CENPT: variants seen among roughly 807,000 people sequenced by gnomAD.
CENPT encodes the protein centromere protein T, also known as interphase centromere complex protein 22.
CENPT carries 42 observed loss-of-function variants against 59.7 expected under a neutral mutation model. That is an observed-to-expected ratio of 0.70 (90% CI 0.55 to 0.91). CENPT has a LOEUF of 0.91. Ranked by LOEUF, CENPT falls within the 40% of genes least tolerant of loss-of-function variation. The pLI, the probability that CENPT is intolerant of heterozygous loss-of-function variation, is 0.00. For missense variants in CENPT, 716 were observed against 713.4 expected (o/e 1.00, Z -0.04); for synonymous variants, 295 against 289.6 (o/e 1.02, Z -0.19).
At chr16:67,838,613 C>T (rs1302078389) in intron 1 of CENPT, among the ~76,000 whole-genome samples, 2 of 144,224 alleles carry the variant, frequency 1.4e-5, no homozygotes, top group East Asian at 2.1e-4. Flanking sequence ...CAGAGCGAGA[C>T]TCCGTCTCAA....
In CENPT at chr16:67,832,406, C is replaced by G. The variant is rs761965999; in HGVS notation, c.201+49G>C. On this transcript the variant is annotated intron_variant, in intron 5 of 15. Transcript: ENST00000562787. ...AGAGCAGAGCTAGACCTCAACCCCC[C>G]TCCCCGAGGCAGCCAGGGCCCTTTG... The G allele has an allele frequency of 1.1e-5, 17 of 1,609,342 alleles. 1 individual carries two copies. In the South Asian group the frequency reaches 1.9e-4, roughly 18 times the overall value.
chr16:67,846,335 G>A (rs1431232183), intron 1 of CENPT, among the ~76,000 whole-genome samples: 1 of 152,254 alleles, frequency 6.6e-6, no homozygotes, highest in African/African-American at 2.4e-5. Context: ...CCCCACCTGA[G>A]GGACATTTGA....
chr16:67,846,571 G>A (rs761110733), intron 1 of CENPT, among the ~76,000 whole-genome samples: 2 of 152,242 alleles, frequency 1.3e-5, no homozygotes, highest in African/African-American at 4.8e-5. Context: ...GGGCCAGCTT[G>A]GGGCCGGGCT....
Position 67,842,526 on chromosome 16 carries a change from TGGGCC to T in CENPT, c.-492+4870_-492+4874del. On this transcript the variant is annotated intron_variant, in intron 1 of 15. Transcript: ENST00000562787. The surrounding 1 kb of genome is among the most constrained non-coding windows in gnomAD (Gnocchi z 4.9). ...GCCGTCGAAGAGCGCAGGAGGCCGG[TGGGCC>T]GGGCCGGGCCGCGCGGCGCAGCCAT... is the stretch of plus-strand genomic sequence containing the variant. 1 of 1,472,424 alleles carries T rather than the reference TGGGCC, an allele frequency of 6.8e-7. No homozygotes were observed. 91.2% of individuals were successfully genotyped at this position (1,472,424 alleles called of 1,614,324 possible).
rs772658849 is a variant in CENPT at position 67,828,217 on chromosome 16, G to A, written c.*50C>T. ...GGGGAGGAGACCTGGAGAAATATGT[G>A]GGGGCAAGAGTCCCCAGGTGGGGAC... On this transcript the variant is annotated 3_prime_UTR_variant, in exon 16 of 16. Transcript: ENST00000562787. 5.9e-6 allele frequency: 9 copies of A among 1,533,834 alleles called. No homozygotes were observed. The Admixed American group carries it at 1.3e-4, about 21-fold the overall frequency.
At position 67,829,915 on chromosome 16, in the gene CENPT, C is replaced by T; in HGVS notation, c.1036G>A (p.Glu346Lys). 3 of 1,614,232 alleles carry T rather than the reference C, an allele frequency of 1.9e-6. No homozygotes were observed. Among genetic ancestry groups the T allele is most frequent in the East Asian group, 2.2e-5 (1 of 44,892 alleles). Residue 346 changes from glutamate to lysine, a missense_variant, in exon 12 of 16, where the codon GAA becomes AAA. Coordinates refer to ENST00000562787, the MANE Select transcript of CENPT (RefSeq NM_025082.4). ...CCTTGTGCTCCTGTTGCCTCCATTT[C>T]ACTCACACTCACACCTTCTTCTTCC... ...KMEEEGVSVSEMEATGAQGPS... is the reference protein window; with the variant it reads ...KMEEEGVSVSKMEATGAQGPS...
chr16:67,832,651 G>A (rs2057704785), intron 4 of CENPT, 106 bp from the exon 5 acceptor site: 2 of 984,364 alleles, frequency 2.0e-6, no homozygotes, highest in Non-Finnish European at 3.0e-6. Context: ...TTTCCCTCAG[G>A]GCTAGGGACC....
intron 1 of CENPT, among the ~76,000 whole-genome samples, chr16:67,838,065 G>C (rs1217499785): frequency 6.6e-6 from 1 of 152,230 alleles, no homozygotes; most frequent in Non-Finnish European, 1.5e-5. Context: ...TTAAGACAGA[G>C]AGTGAGCTGG....
chr16:67,843,587 C>T lies in CENPT; in HGVS notation c.-492+3814G>A. ...TGTTGAACTCCTCTATACTCCTGGG[C>T]ACTGGTTGACAGTACTGAGGCTTAA... On this transcript the variant is annotated intron_variant, in intron 1 of 15. Coordinates refer to ENST00000562787, the MANE Select transcript of CENPT (RefSeq NM_025082.4). This position sits in a 1 kb window ranked among gnomAD's most constrained non-coding sequence, Gnocchi z 5.7. The T allele has an allele frequency of 7.5e-7, 1 of 1,341,690 alleles. No individual in the cohort carries two copies. Among genetic ancestry groups the T allele is most frequent in the Non-Finnish European group, 1.0e-6 (1 of 983,336 alleles). 83.1% of individuals were successfully genotyped at this position (1,341,690 alleles called of 1,614,324 possible).
rs1386373559 is a variant in CENPT at position 67,842,271 on chromosome 16, A to T, written c.-492+5130T>A. The T allele has an allele frequency of 6.4e-6, 1 of 157,118 alleles. No individual in the cohort carries two copies. Among genetic ancestry groups the T allele is most frequent in the Non-Finnish European group, 1.4e-5 (1 of 71,456 alleles). The allele number at this position is 157,118 out of a possible 1,614,324, so 9.7% of individuals were successfully genotyped here. On this transcript the variant is annotated intron_variant, in intron 1 of 15. Coordinates refer to ENST00000562787, the MANE Select transcript of CENPT (RefSeq NM_025082.4). This position sits in a 1 kb window ranked among gnomAD's most constrained non-coding sequence, Gnocchi z 4.9. ...AAGTGAGCCGCTTCTGGCGCGGGGCATTGTGGGGGGCGTAGTCTCTTTCTC... is the reference window on the plus strand; with the variant it reads ...AAGTGAGCCGCTTCTGGCGCGGGGCTTTGTGGGGGGCGTAGTCTCTTTCTC...
intron 14 of CENPT, 34 bp downstream of exon 14, chr16:67,828,633 G>T: frequency 6.2e-7 from 1 of 1,613,764 alleles, no homozygotes; most frequent in Non-Finnish European, 8.5e-7. Context: ...GACCCGAGGG[G>T]TTCCTCTCCC....
intron 1 of CENPT, among the ~76,000 whole-genome samples, chr16:67,846,032 C>A (rs777816677): frequency 2.0e-5 from 3 of 152,178 alleles, no homozygotes; most frequent in Admixed American, 6.6e-5. Context: ...CCCAAGTTGG[C>A]TGCAGATCTC....
At chr16:67,846,285 C>T (rs894462276) in intron 1 of CENPT, among the ~76,000 whole-genome samples, 1 of 152,264 alleles carries the variant, frequency 6.6e-6, no homozygotes, top group Non-Finnish European at 1.5e-5. Context: ...TTGGGGGGAC[C>T]CCTGACTGTA....
At chr16:67,836,022 C>T (rs900749916) in intron 1 of CENPT, among the ~76,000 whole-genome samples, 9 of 151,506 alleles carry the variant, frequency 5.9e-5, no homozygotes, top group Admixed American at 2.6e-4. Context: ...GGATTACAGG[C>T]GTGAGCCATG....
At chr16:67,840,680 G>A (rs1333105656) in intron 1 of CENPT, among the ~76,000 whole-genome samples, 1 of 151,954 alleles carries the variant, frequency 6.6e-6, no homozygotes, top group East Asian at 1.9e-4. Context: ...ACAACAAATC[G>A]CGGTGACACG....
intron 1 of CENPT, among the ~76,000 whole-genome samples, 184 bp from the exon 2 acceptor site, chr16:67,835,842 T>C (rs879571621): frequency 2.6e-5 from 4 of 152,102 alleles, no homozygotes; most frequent in Non-Finnish European, 5.9e-5. Context: ...TTTTTTTGTT[T>C]TTGTTTTTTT....
chr16:67,842,145 C>G lies in CENPT; in HGVS notation c.-492+5256G>C, dbSNP rs1237282689. On this transcript the variant is annotated intron_variant, in intron 1 of 15. Coordinates refer to ENST00000562787, the MANE Select transcript of CENPT (RefSeq NM_025082.4). This position sits in a 1 kb window ranked among gnomAD's most constrained non-coding sequence, Gnocchi z 4.9. The stretch of plus-strand genomic sequence containing the variant: ...CAGCGTTCCAACCTAATACGCCTCT[C>G]TCGCCCGCCGGGGACAAGACGGGCT... The G allele has an allele frequency of 6.6e-6, 1 of 152,480 alleles. No homozygotes were observed. The highest frequency in any genetic ancestry group is 2.4e-5 in the African/African-American group (1 of 41,486). The allele number at this position is 152,480 out of a possible 1,614,324, so 9.4% of individuals were successfully genotyped here. A position where few individuals can be genotyped will look rare whatever the true frequency, so the allele number is the denominator to read the frequency against.
intron 1 of CENPT, among the ~76,000 whole-genome samples, chr16:67,846,023 C>T (rs2057795661): frequency 6.6e-6 from 1 of 152,148 alleles, no homozygotes. Context: ...CTGTGGTACC[C>T]CAAGTTGGCT....
chr16:67,828,805 T>G lies in CENPT; in HGVS notation c.1319A>C (p.His440Pro). The change falls in exon 14 of 16, where the codon CAT (histidine) becomes CCT (proline). Residue 440 changes from histidine to proline, a missense_variant. By Grantham distance (77) the His-to-Pro change is moderately conservative (BLOSUM62 -2). Transcript: ENST00000562787. The stretch of plus-strand genomic sequence containing the variant: ...GCCGGTGGTCCGGGGCCTAGGGGGA[T>G]GCCTGACCAACAGAGGCTCTGCAGG... The part of the protein sequence containing the change: ...SEPAEPLLVR[H>P]PPRPRTTGPR... 1 of 1,594,752 alleles carries G rather than the reference T, an allele frequency of 6.3e-7. No individual in the cohort carries two copies. Among genetic ancestry groups the G allele is most frequent in the Admixed American group, 1.9e-5 (1 of 52,428 alleles).
Sources: allele counts gnomAD v4.1 joint callset (sites outside exome capture counted in the v4.1 genomes callset), GRCh38; gene constraint gnomAD v4.1.1; non-coding constraint Gnocchi (gnomAD v3.1); transcripts MANE v1.5; gene names NCBI Gene and HGNC (gene_info 2026-07-23, HGNC 2026-07-21).